The following SV2C variants were observed in gnomAD, a reference collection of about 807,000 sequenced individuals.
The protein encoded by SV2C is synaptic vesicle glycoprotein 2C, also known as solute carrier family 22 member B3.
In SV2C, 49 loss-of-function variants were observed where a neutral mutation model predicts 79.7. The observed-to-expected ratio is 0.61, with a 90% CI of 0.49 to 0.78. SV2C has a LOEUF of 0.78. SV2C is among the 30% of genes least tolerant of loss of function. The pLI, the probability that SV2C is intolerant of heterozygous loss-of-function variation, is 0.00. For synonymous variants in SV2C, 334 were observed against 333.2 expected, an observed-to-expected ratio of 1.00 and a Z score of -0.03; for missense variants, 833 against 912.9, an observed-to-expected ratio of 0.91 and a Z score of 1.13.
At chr5:75,959,031 A>G in the SV2C span, among the ~76,000 whole-genome samples, 1 of 151,976 alleles carries the variant, frequency 6.6e-6, no homozygotes, top group East Asian at 1.9e-4. Context: ...TGACAGAAAA[A>G]GTCCCTTATT....
chr5:76,318,407 G>C (rs1748710174), intron 12 of SV2C, among the ~76,000 whole-genome samples: 1 of 151,794 alleles, frequency 6.6e-6, no homozygotes, highest in South Asian at 2.1e-4. Flanking sequence ...AATAGAGTGA[G>C]ACTCCATCTC....
chr5:75,901,984 C>T, the SV2C span, among the ~76,000 whole-genome samples: 26 of 151,038 alleles, frequency 1.7e-4, no homozygotes, highest in Admixed American at 1.1e-3. Context: ...TTCCAGGTGC[C>T]GTCTGTCACC....
At chr5:76,168,389 C>T (rs959291112) in intron 2 of SV2C, among the ~76,000 whole-genome samples, 1 of 152,036 alleles carries the variant, frequency 6.6e-6, no homozygotes, top group African/African-American at 2.4e-5. Flanking sequence ...CAGGATGACT[C>T]ACCCTGGACC....
intron 3 of SV2C, among the ~76,000 whole-genome samples, chr5:76,202,497 C>T (rs1344313187): frequency 6.6e-6 from 1 of 152,180 alleles, no homozygotes; most frequent in Non-Finnish European, 1.5e-5. Flanking sequence ...GTGCTTCAGA[C>T]TCAACCAGAA....
the SV2C span, among the ~76,000 whole-genome samples, chr5:75,858,345 C>A: frequency 6.6e-6 from 1 of 152,166 alleles, no homozygotes; most frequent in Admixed American, 6.5e-5. Context: ...GACTGTTCAG[C>A]ATCGATTGAA....
At chr5:76,010,001 T>G in the SV2C span, among the ~76,000 whole-genome samples, 6 of 148,490 alleles carry the variant, frequency 4.0e-5, no homozygotes, top group South Asian at 2.2e-4. Flanking sequence ...GTTTTTTTTT[T>G]TTTTTTTTTT....
chr5:75,965,916 A>T, the SV2C span, among the ~76,000 whole-genome samples: 1 of 152,224 alleles, frequency 6.6e-6, no homozygotes, highest in Non-Finnish European at 1.5e-5. Flanking sequence ...AGACAAAAAG[A>T]TTAACATTCA....
At chr5:76,132,387 G>T in intron 2 of SV2C, 57 bp downstream of exon 2, 1 of 1,475,034 alleles carries the variant, frequency 6.8e-7, no homozygotes, top group Non-Finnish European at 9.2e-7. Context: ...GTTAAGCACA[G>T]TTATCAACAT....
At chr5:75,958,441 T>C in the SV2C span, among the ~76,000 whole-genome samples, 1 of 151,992 alleles carries the variant, frequency 6.6e-6, no homozygotes, top group Admixed American at 6.6e-5. Flanking sequence ...TCTCCCCTCC[T>C]CAACTTCTGG....
the SV2C span, among the ~76,000 whole-genome samples, chr5:76,076,395 T>C: frequency 6.6e-6 from 1 of 152,240 alleles, no homozygotes; most frequent in African/African-American, 2.4e-5. Context: ...TTATGACCAA[T>C]AGTTCTAACT....
At chr5:76,245,924 G>GTGTGTGTGTA in intron 4 of SV2C, among the ~76,000 whole-genome samples, 1 of 147,548 alleles carries the variant, frequency 6.8e-6, no homozygotes, top group East Asian at 1.9e-4. Flanking sequence ...GTGTGTGTGT[G>GTGTGTGTGTA]TGTGTGTGTG....
chr5:75,984,281 T>C, the SV2C span, among the ~76,000 whole-genome samples: 1 of 152,144 alleles, frequency 6.6e-6, no homozygotes, highest in Non-Finnish European at 1.5e-5. Flanking sequence ...AATAATCTAA[T>C]AAGTTGACAG....
chr5:76,001,019 A>AC, the SV2C span, among the ~76,000 whole-genome samples: 2 of 152,014 alleles, frequency 1.3e-5, no homozygotes, highest in Non-Finnish European at 2.9e-5. Context: ...AAAAAAAAAA[A>AC]AAACTAACAC....
chr5:75,985,099 G>T, the SV2C span, among the ~76,000 whole-genome samples: 5 of 151,968 alleles, frequency 3.3e-5, no homozygotes, highest in East Asian at 9.7e-4. Flanking sequence ...AGGGTCTCCG[G>T]CTGCTTCAAC....
At chr5:76,223,932 G>T (rs913096469) in intron 4 of SV2C, among the ~76,000 whole-genome samples, 4 of 152,038 alleles carry the variant, frequency 2.6e-5, no homozygotes, top group Non-Finnish European at 5.9e-5. Context: ...AAGTGGTGGG[G>T]GGATGGGCAT....
At chr5:76,036,962 C>G in the SV2C span, among the ~76,000 whole-genome samples, 3 of 152,156 alleles carry the variant, frequency 2.0e-5, no homozygotes, top group African/African-American at 7.2e-5. Context: ...TCTTTTTCCT[C>G]TAAACTTCCC....
rs1320631005 is a variant in SV2C, at chr5:76,330,955, C to A, written c.*5408C>A. 2 of 151,858 alleles carry A rather than the reference C, an allele frequency of 1.3e-5. No homozygotes were observed. The highest frequency in any genetic ancestry group is 2.9e-5 in the Non-Finnish European group (2 of 68,046). The allele number at this position is 151,858 out of a possible 1,614,324, so 9.4% of individuals were successfully genotyped here. ...CAATGCAACTTCCGCCTCCCAGGTT[C>A]AAGCAATTCTCCTGCCTCAGCCTCC... On this transcript the variant is annotated 3_prime_UTR_variant, in exon 13 of 13. Transcript: ENST00000502798.
At chr5:76,008,191 T>C in the SV2C span, among the ~76,000 whole-genome samples, 1 of 152,174 alleles carries the variant, frequency 6.6e-6, no homozygotes, top group Non-Finnish European at 1.5e-5. Context: ...ACAGAAACAA[T>C]GTCTGAACAC....
chr5:76,002,176 A>G, the SV2C span, among the ~76,000 whole-genome samples: 3 of 45,992 alleles, frequency 6.5e-5, no homozygotes, highest in Non-Finnish European at 2.0e-4. Flanking sequence ...GTGTGTATAT[A>G]TATATATATA....
Sources: gnomAD v4.1 joint callset for allele counts (sites outside exome capture counted in the v4.1 genomes callset) on GRCh38, gnomAD v4.1.1 for gene constraint, MANE v1.5 for transcripts, NCBI Gene and HGNC (gene_info 2026-07-23, HGNC 2026-07-21) for gene names.